ECM2: variants seen among roughly 807,000 people sequenced by gnomAD.
The protein encoded by ECM2 is extracellular matrix protein 2.
Under a neutral mutation model 67.5 loss-of-function variants are expected in ECM2, and 57 were observed. The ratio of observed to expected loss-of-function variants is 0.84; its 90% confidence interval spans 0.68 to 1.05. The LOEUF (loss-of-function observed/expected upper bound fraction) is 1.05, where lower values mean the gene tolerates loss of function less well. Among genes scored for constraint, ECM2 ranks in the 50% least tolerant of loss-of-function variants. The pLI is 0.00. For synonymous variants in ECM2, 258 were observed against 294.5 expected, an observed-to-expected ratio of 0.88 and a Z score of 1.27; for missense variants, 741 against 822.8, an observed-to-expected ratio of 0.90 and a Z score of 1.22.
At chr9:92,514,596 A>G in intron 4 of ECM2, 35 bp downstream of exon 4, 1 of 1,530,780 alleles carries the variant, frequency 6.5e-7, no homozygotes, top group Non-Finnish European at 8.8e-7. Context: ...TTTACTTTTA[A>G]AGCACAAAAT....
chr9:92,523,603 G>C (rs1407974742), intron 1 of ECM2, among the ~76,000 whole-genome samples: 1 of 152,208 alleles, frequency 6.6e-6, no homozygotes, highest in Non-Finnish European at 1.5e-5. Context: ...CAGATGTTTA[G>C]GGCGAAACAG....
the ECM2 span, among the ~76,000 whole-genome samples, chr9:92,550,443 G>C: frequency 1.3e-5 from 2 of 151,784 alleles, no homozygotes; most frequent in African/African-American, 2.4e-5. Flanking sequence ...TGAAGTCTTC[G>C]TAAGAGGGAA....
At chr9:92,518,288 C>G (rs1210809587) in intron 2 of ECM2, among the ~76,000 whole-genome samples, 1 of 152,210 alleles carries the variant, frequency 6.6e-6, no homozygotes, top group Non-Finnish European at 1.5e-5. Flanking sequence ...CTGTCCTGAT[C>G]ACTGCGGTAG....
chr9:92,528,445 A>G (rs1848546716), intron 1 of ECM2, among the ~76,000 whole-genome samples: 3 of 152,330 alleles, frequency 2.0e-5, no homozygotes, highest in South Asian at 4.1e-4. Context: ...ACCCTTCCAG[A>G]GATGTGAAGT....
At chr9:92,497,031 C>T (rs562256734) in intron 9 of ECM2, among the ~76,000 whole-genome samples, 65 of 151,900 alleles carry the variant, frequency 4.3e-4, no homozygotes, top group Middle Eastern at 3.4e-3. Flanking sequence ...CAAAATGGTG[C>T]GCCACCTCTG....
the ECM2 span, among the ~76,000 whole-genome samples, chr9:92,548,762 AG>A: frequency 6.6e-6 from 1 of 152,208 alleles, no homozygotes; most frequent in African/African-American, 2.4e-5. Flanking sequence ...TACCATACTC[AG>A]GGAGTGGAAC....
At chr9:92,528,867 G>T (rs537921731) in intron 1 of ECM2, among the ~76,000 whole-genome samples, 2 of 152,218 alleles carry the variant, frequency 1.3e-5, no homozygotes, top group Non-Finnish European at 2.9e-5. Flanking sequence ...AGGAAAAGTT[G>T]ACCCATAATG....
rs1380097937 is a variant in ECM2, at chr9:92,501,163, A to G, written c.1605-110T>C. 4 of 1,083,274 alleles carry G rather than the reference A, an allele frequency of 3.7e-6. No individual in the cohort carries two copies. In the African/African-American group the frequency reaches 6.4e-5, roughly 17 times the overall value. 67.1% of individuals were successfully genotyped at this position (1,083,274 alleles called of 1,614,324 possible). On this transcript the variant is annotated intron_variant, in intron 8 of 9. Transcript: ENST00000344604. ...CTGGTCCATTTTCCTATAAGCACCC[A>G]GTTTGTAGTGATGATTCCAAATAGG...
intron 2 of ECM2, among the ~76,000 whole-genome samples, chr9:92,522,119 C>T (rs1478226909): frequency 6.6e-6 from 1 of 152,060 alleles, no homozygotes; most frequent in Non-Finnish European, 1.5e-5. Flanking sequence ...CGGAGTCTTG[C>T]TCTGTCGCCC....
chr9:92,552,225 T>G, the ECM2 span, among the ~76,000 whole-genome samples: 2 of 145,290 alleles, frequency 1.4e-5, no homozygotes, highest in Admixed American at 6.9e-5. Context: ...ACCCCACAGT[T>G]TCTTTATCCA....
intron 5 of ECM2, among the ~76,000 whole-genome samples, chr9:92,511,418 C>T (rs1287714790): frequency 2.8e-5 from 4 of 143,384 alleles, no homozygotes; most frequent in African/African-American, 1.1e-4. Context: ...AGCCACTGTG[C>T]CTGGCCTGTT....
chr9:92,554,213 C>T, the ECM2 span, among the ~76,000 whole-genome samples: 1 of 148,210 alleles, frequency 6.7e-6, no homozygotes, highest in Non-Finnish European at 1.5e-5. Context: ...GACGGAGTTT[C>T]GCTCTTATTG....
chr9:92,539,124 G>A (rs987593765), upstream of ECM2: 1 of 152,308 alleles, frequency 6.6e-6, no homozygotes. Context: ...CTGAATATTA[G>A]GTACAATGTT....
chr9:92,502,688 G>A lies in ECM2; in HGVS notation c.1465-36C>T, dbSNP rs765470067. 2.7e-6 allele frequency: 4 copies of A among 1,475,404 alleles called. No individual in the cohort carries two copies. The African/African-American group carries it at 5.7e-5, about 21-fold the overall frequency. 91.4% of individuals were successfully genotyped at this position (1,475,404 alleles called of 1,614,324 possible). On this transcript the variant is annotated intron_variant, in intron 7 of 9. Transcript: ENST00000344604. ...GAGAGAAGACTATTATTTTTCTTTT[G>A]TGTTAGTTGATACGTTCAATTTCAT...
chr9:92,542,765 G>T, the ECM2 span, among the ~76,000 whole-genome samples: 1 of 152,140 alleles, frequency 6.6e-6, no homozygotes, highest in Non-Finnish European at 1.5e-5. Context: ...ACCGGCCTCG[G>T]CCTCCCAAAG....
chr9:92,521,721 A>G (rs1848083373), intron 2 of ECM2, among the ~76,000 whole-genome samples: 1 of 152,216 alleles, frequency 6.6e-6, no homozygotes, highest in Admixed American at 6.5e-5. Flanking sequence ...AATCTTTAAA[A>G]AGTCAGTGGT....
chr9:92,535,014 G>A (rs1389635685), intron 1 of ECM2, among the ~76,000 whole-genome samples: 2 of 152,134 alleles, frequency 1.3e-5, no homozygotes, highest in Non-Finnish European at 2.9e-5. Context: ...GAGTGCTTAG[G>A]AGTGTGAATG....
chr9:92,505,674 G>T lies in ECM2; in HGVS notation c.1323C>A (p.Val441=), dbSNP rs763332188. 1.3e-6 allele frequency: 2 copies of T among 1,585,204 alleles called. No individual in the cohort carries two copies. The highest frequency in any genetic ancestry group is 1.2e-5 in the South Asian group (1 of 84,532). ...EESLSDLNQL[V]TLELEGNNLS... is the part of the protein sequence containing the mutation. ...GATTGTTTCCTTCCAATTCTAAGGT[G>T]ACCAACTGATTTAAGTCTATAAAAA... The change falls in exon 7 of 10, where the codon GTC becomes GTA. Residue 441 remains valine (V), a synonymous_variant. Coordinates refer to ENST00000344604, the MANE Select transcript of ECM2 (RefSeq NM_001393.4).
chr9:92,529,136 A>T (rs1027303831), intron 1 of ECM2, among the ~76,000 whole-genome samples: 1 of 152,236 alleles, frequency 6.6e-6, no homozygotes, highest in Non-Finnish European at 1.5e-5. Flanking sequence ...TAATTGGTAA[A>T]CTTGTTTTCA....
Sources: gnomAD v4.1 joint callset for allele counts (sites outside exome capture counted in the v4.1 genomes callset) on GRCh38, gnomAD v4.1.1 for gene constraint, MANE v1.5 for transcripts, NCBI Gene and HGNC (gene_info 2026-07-23, HGNC 2026-07-21) for gene names.